The following VPS4A variants were observed in gnomAD, a reference collection of about 807,000 sequenced individuals.
VPS4A encodes vacuolar protein sorting-associated protein 4A.
A neutral mutation model predicts 52.3 loss-of-function variants in VPS4A; 20 were observed. The observed-to-expected ratio is 0.38, with a 90% confidence interval of 0.27 to 0.56. The LOEUF (loss-of-function observed/expected upper bound fraction) is 0.56. Among genes scored for constraint, VPS4A ranks in the 20% least tolerant of loss-of-function variants. The pLI is 0.72. For missense variants in VPS4A, 419 were observed against 575.9 expected (o/e 0.73, Z 2.79); for synonymous variants, 293 against 227.7 (o/e 1.29, Z -2.58).
intron 3 of VPS4A, among the ~76,000 whole-genome samples, chr16:69,317,425 A>G (rs1218198735): frequency 2.0e-5 from 3 of 152,180 alleles, no homozygotes; most frequent in Non-Finnish European, 2.9e-5. Flanking sequence ...TGGGAGGCCA[A>G]CGCGGGCAGA....
Position 69,318,680 on chromosome 16 carries a change from G to A in VPS4A, c.312G>A (p.Pro104=), listed in dbSNP as rs756671339. 9.3e-6 allele frequency: 15 copies of A among 1,613,004 alleles called. No individual in the cohort carries two copies. The highest frequency in any genetic ancestry group is 2.2e-5 in the South Asian group (2 of 91,024). ...ACAGTGACAGTGAAGGGGATAATCC[G>A]GAGAAAAAGAAACTGCAAGAACAGC... ...GSDSDSEGDN[P]EKKKLQEQLM... Residue 104 remains proline, a synonymous_variant, in exon 4 of 11, where the codon CCG becomes CCA. Coordinates refer to ENST00000254950, the MANE Select transcript of VPS4A (RefSeq NM_013245.3).
At chr16:69,317,973 AAAG>A (rs1343625878) in intron 3 of VPS4A, among the ~76,000 whole-genome samples, 9 of 150,070 alleles carry the variant, frequency 6.0e-5, no homozygotes, top group African/African-American at 1.2e-4. Context: ...AAAAAAAAAA[AAAG>A]AAGCTTCTGG....
intron 3 of VPS4A, among the ~76,000 whole-genome samples, chr16:69,317,044 T>G (rs1965445835): frequency 2.0e-5 from 3 of 148,354 alleles, no homozygotes. Flanking sequence ...AGTGAGGGGG[T>G]CCCCCAGGCA....
intron 9 of VPS4A, chr16:69,322,176 G>A (rs902757244): frequency 6.0e-6 from 1 of 167,786 alleles, no homozygotes; most frequent in African/African-American, 2.4e-5. Context: ...AATAGCACGG[G>A]AAAGACCAGC....
intron 6 of VPS4A, among the ~76,000 whole-genome samples, chr16:69,319,783 T>G (rs994479748): frequency 1.3e-5 from 2 of 152,186 alleles, no homozygotes; most frequent in African/African-American, 4.8e-5. Context: ...AGGATATTTT[T>G]GGGGTCTGGG....
rs1965577940 is a variant in VPS4A, at chr16:69,325,405, CGCCTGT to C, written c.*1097_*1102del. The C allele has an allele frequency of 2.9e-5, 3 of 101,798 alleles. No homozygotes were observed. The highest frequency in any genetic ancestry group is 3.2e-4 in the South Asian group (1 of 3,108). 6.3% of individuals were successfully genotyped at this position (101,798 alleles called of 1,614,324 possible). A position where few individuals can be genotyped will look rare whatever the true frequency, so the allele number is the denominator to read the frequency against. ...GAGAGTTGCTGGGCGCGGTGGCTCA[CGCCTGT>C]AATCCCAGCACTTTGGGCCGCTAAC... On this transcript the variant is annotated 3_prime_UTR_variant, in exon 11 of 11. Coordinates refer to ENST00000254950, the MANE Select transcript of VPS4A (RefSeq NM_013245.3).
At chr16:69,323,715 C>T (rs1280375793) in intron 10 of VPS4A, 5 of 453,018 alleles carry the variant, frequency 1.1e-5, no homozygotes, top group Admixed American at 4.7e-5. Flanking sequence ...TTCGGGAGGC[C>T]GAGGCGGGCA....
intron 10 of VPS4A, 186 bp downstream of exon 10, chr16:69,322,886 G>A: frequency 3.7e-6 from 2 of 542,538 alleles, no homozygotes; most frequent in South Asian, 3.8e-5. Flanking sequence ...TAGCCAATAT[G>A]GAGAAACCCT....
intron 1 of VPS4A, among the ~76,000 whole-genome samples, chr16:69,313,413 C>G (rs1965400921): frequency 6.6e-6 from 1 of 152,122 alleles, no homozygotes; most frequent in African/African-American, 2.4e-5. Context: ...CAACCCCTCT[C>G]TCTCCCAGCC....
Position 69,311,645 on chromosome 16 carries a change from C to A in VPS4A, c.21+113C>A. ...TGGGCGCCTCCCAGCCCCGGCCTCG[C>A]GACCCCGCTCCGGCCGCCCCCTCGC... On this transcript the variant is annotated intron_variant, in intron 1 of 10. Coordinates refer to ENST00000254950, the MANE Select transcript of VPS4A (RefSeq NM_013245.3). 8.2e-6 allele frequency: 9 copies of A among 1,093,578 alleles called. 1 individual carries two copies. The South Asian group carries it at 4.1e-4, about 50-fold the overall frequency. The allele number at this position is 1,093,578 out of a possible 1,614,324, so 67.7% of individuals were successfully genotyped here.
chr16:69,322,518 C>T (rs1965526250), intron 9 of VPS4A, 42 bp from the exon 10 acceptor site: 2 of 1,582,862 alleles, frequency 1.3e-6, no homozygotes, highest in South Asian at 1.1e-5. Flanking sequence ...GCCCCTCTGA[C>T]ACTGAGGGGC....
chr16:69,311,730 C>T (rs982241839), intron 1 of VPS4A, among the ~76,000 whole-genome samples, 198 bp downstream of exon 1: 1 of 152,168 alleles, frequency 6.6e-6, no homozygotes, highest in East Asian at 1.9e-4. Context: ...CACCCTCAGG[C>T]CTTCCGGCCC....
At position 69,326,398 on chromosome 16, in the gene VPS4A, A is replaced by G; in HGVS notation, c.*2089A>G. 1 of 152,258 alleles carries G rather than the reference A, an allele frequency of 6.6e-6. No homozygotes were observed. Among genetic ancestry groups the G allele is most frequent in the East Asian group, 1.9e-4 (1 of 5,202 alleles). 9.4% of individuals were successfully genotyped at this position (152,258 alleles called of 1,614,324 possible). On this transcript the variant is annotated 3_prime_UTR_variant, in exon 11 of 11. Coordinates refer to ENST00000254950, the MANE Select transcript of VPS4A (RefSeq NM_013245.3). ...GTTATGTGCCCTCAGCCACCAGGAT[A>G]TGAACCGTGTCTGCAGAGCTTCACT... is the stretch of plus-strand genomic sequence containing the variant.
At position 69,324,574 on chromosome 16, in the gene VPS4A, T is replaced by C. The variant is rs768997456; in HGVS notation, c.*265T>C. On this transcript the variant is annotated 3_prime_UTR_variant, in exon 11 of 11. Coordinates refer to ENST00000254950, the MANE Select transcript of VPS4A (RefSeq NM_013245.3). ...CATCAGCTCCTTCTGCCTCCCCCCCTTTTTTTTCCATCTTTTGTTCCCCTA... is the reference window on the plus strand; with the variant it reads ...CATCAGCTCCTTCTGCCTCCCCCCCCTTTTTTTCCATCTTTTGTTCCCCTA... The C allele has an allele frequency of 1.7e-4, 72 of 413,630 alleles. No homozygotes were observed. In the Middle Eastern group the frequency reaches 2.9e-3, roughly 17 times the overall value. The allele number at this position is 413,630 out of a possible 1,614,324, so 25.6% of individuals were successfully genotyped here.
intron 10 of VPS4A, chr16:69,323,474 C>T (rs1965538390): frequency 2.9e-6 from 1 of 342,134 alleles, no homozygotes; most frequent in Non-Finnish European, 5.8e-6. Context: ...TATTCTTTAG[C>T]AAGTAAAGTC....
At chr16:69,316,167 G>A (rs376676632) in intron 2 of VPS4A, 48 bp downstream of exon 2, 17 of 1,612,326 alleles carry the variant, frequency 1.1e-5, no homozygotes, top group Middle Eastern at 3.3e-4. Context: ...AGAGGGGAGC[G>A]GAGGAGAGGG....
chr16:69,315,383 C>T (rs994528924), intron 1 of VPS4A, among the ~76,000 whole-genome samples: 3 of 152,202 alleles, frequency 2.0e-5, no homozygotes, highest in African/African-American at 7.2e-5. Flanking sequence ...ACTGGAGCTA[C>T]TGGTATGTGG....
At chr16:69,319,878 G>T (rs1965489268) in intron 6 of VPS4A, among the ~76,000 whole-genome samples, 1 of 152,192 alleles carries the variant, frequency 6.6e-6, no homozygotes, top group Non-Finnish European at 1.5e-5. Flanking sequence ...GGGCTCGGAA[G>T]AAGGGGACTG....
In VPS4A at chr16:69,324,302, A is replaced by C; in HGVS notation, c.1307A>C (p.Glu436Ala). The change falls in exon 11 of 11, where the codon GAG (glutamate) becomes GCG (alanine). Residue 436 changes from glutamate to alanine, a missense_variant. This residue lies in a region of VPS4A where 185 missense variants were observed against 200.2 expected (regional missense o/e 0.92). Transcript: ENST00000254950. ...AAATTCTCAGAGGACTTTGGGCAAG[A>C]GAGTTAAAAGCTGCTTCACTTGGGC... is the stretch of plus-strand genomic sequence containing the variant. ...VKKFSEDFGQ[E>A]S 1 of 1,613,644 alleles carries C rather than the reference A, an allele frequency of 6.2e-7. No individual in the cohort carries two copies. Among genetic ancestry groups the C allele is most frequent in the Non-Finnish European group, 8.5e-7 (1 of 1,179,776 alleles).
Sources: allele counts gnomAD v4.1 joint callset (sites outside exome capture counted in the v4.1 genomes callset), GRCh38; gene constraint gnomAD v4.1.1; regional missense constraint gnomAD v4.1.1; transcripts MANE v1.5; gene names NCBI Gene and HGNC (gene_info 2026-07-23, HGNC 2026-07-21).